The following ZWILCH variants were observed in gnomAD, a reference collection of about 807,000 sequenced individuals.
ZWILCH encodes zwilch kinetochore protein, also known as protein zwilch homolog.
Under a neutral mutation model 79.9 loss-of-function variants are expected in ZWILCH, and 74 were observed. The ratio of observed to expected loss-of-function variants is 0.93; its 90% CI spans 0.77 to 1.12. ZWILCH has a LOEUF of 1.12. Ranked by LOEUF, ZWILCH falls within the 50% of genes most tolerant of loss-of-function variation. ZWILCH has a pLI of 0.00. For missense variants in ZWILCH, 694 were observed against 687.5 expected (o/e 1.01, Z -0.11); for synonymous variants, 241 against 228.2 (o/e 1.06, Z -0.51).
Position 66,529,583 on chromosome 15 carries a change from G to A in ZWILCH, c.1155+10G>A. On this transcript the variant is annotated intron_variant, in intron 12 of 18. Transcript: ENST00000307897. ...TGATATACAGCCATGGGTAGGTTTA[G>A]TAGTGTGTGTCAGATCATTTTCTCA... 6.2e-7 allele frequency: 1 copy of A among 1,604,060 alleles called. No individual in the cohort carries two copies. The highest frequency in any genetic ancestry group is 8.5e-7 in the Non-Finnish European group (1 of 1,171,472).
chr15:66,533,493 T>C (rs1894915845), intron 14 of ZWILCH, among the ~76,000 whole-genome samples: 1 of 152,224 alleles, frequency 6.6e-6, no homozygotes, highest in Non-Finnish European at 1.5e-5. Flanking sequence ...ATAGTGTCTG[T>C]ACTGATCTTT....
intron 1 of ZWILCH, among the ~76,000 whole-genome samples, chr15:66,507,850 G>T (rs1318183322): frequency 1.3e-5 from 2 of 151,412 alleles, no homozygotes; most frequent in Admixed American, 1.3e-4. Context: ...GGAGAATGGC[G>T]TGAACCCGGG....
intron 1 of ZWILCH, 64 bp downstream of exon 1, chr15:66,505,455 A>T: frequency 6.3e-7 from 1 of 1,589,862 alleles, no homozygotes; most frequent in Non-Finnish European, 8.6e-7. Context: ...GGGTGTCTGG[A>T]TCCCCGCCCT....
Position 66,527,913 on chromosome 15 carries a change from G to A in ZWILCH, c.969+1G>A. The stretch of plus-strand genomic sequence containing the variant: ...TACAAAAAAAGACACTGAGGTTGAG[G>A]TAAGTGATTATTATCAGTTAGAAAT... On this transcript the variant is annotated splice_donor_variant, in intron 10 of 18. Coordinates refer to ENST00000307897, the MANE Select transcript of ZWILCH (RefSeq NM_017975.5). LOFTEE classifies it high-confidence loss of function. 2 of 1,597,336 alleles carry A rather than the reference G, an allele frequency of 1.3e-6. No individual in the cohort carries two copies. Among genetic ancestry groups the A allele is most frequent in the Admixed American group, 1.8e-5 (1 of 54,908 alleles).
At chr15:66,518,849 C>T (rs771877010) in intron 4 of ZWILCH, 30 bp from the exon 5 acceptor site, 3 of 1,586,584 alleles carry the variant, frequency 1.9e-6, no homozygotes, top group East Asian at 4.5e-5. Context: ...AAATCTCTAT[C>T]TATAATTTGT....
chr15:66,532,815 T>A (rs962207261), intron 13 of ZWILCH, among the ~76,000 whole-genome samples, 170 bp from the exon 14 acceptor site: 11 of 151,984 alleles, frequency 7.2e-5, no homozygotes, highest in Non-Finnish European at 1.2e-4. Flanking sequence ...TGTGAGGAAC[T>A]ACTTAGCTTG....
chr15:66,529,566 AG>A lies in ZWILCH; in HGVS notation c.1149del (p.Gln383HisfsTer12), dbSNP rs1247584284. The A allele has an allele frequency of 1.2e-6, 2 of 1,612,630 alleles. No individual in the cohort carries two copies. The highest frequency in any genetic ancestry group is 3.3e-5 in the Admixed American group (2 of 59,958). On this transcript the variant is annotated frameshift_variant, in exon 12 of 19. Transcript: ENST00000307897. LOFTEE classifies it high-confidence loss of function. ...IIQSLQRGDI[Q>X]PWLHSGSNSL... ...CAGAGTCTACAACGTGGTGATATAC[AG>A]CCATGGGTAGGTTTAGTAGTGTGTG...
chr15:66,517,430 G>GTGTATATATATATATA lies in ZWILCH; in HGVS notation c.321-1448_321-1447insGTATATATATATATAT. Among the ~76,000 whole-genome samples, 154 of 66,500 alleles carry GTGTATATATATATATA rather than the reference G, an allele frequency of 2.3e-3. 1 individual carries two copies. The highest frequency in any genetic ancestry group is 8.5e-3 in the African/African-American group (139 of 16,318). 43.6% of individuals were successfully genotyped at this position (66,500 alleles called of 152,430 possible). A position where few individuals can be genotyped will look rare whatever the true frequency, so the allele number is the denominator to read the frequency against. ...TGTTTGTGTGTGCGTGTGTGTGTGT[G>GTGTATATATATATATA]TATATATATATATATATATATATAT... On this transcript the variant is annotated intron_variant, in intron 4 of 18. Transcript: ENST00000307897.
intron 17 of ZWILCH, 56 bp downstream of exon 17, chr15:66,540,266 G>A (rs1895152596): frequency 1.4e-6 from 2 of 1,449,776 alleles, no homozygotes; most frequent in African/African-American, 1.4e-5. Flanking sequence ...AATAAACTAA[G>A]TCTGGCTGGG....
chr15:66,528,294 G>A (rs746729725), intron 10 of ZWILCH, among the ~76,000 whole-genome samples: 64 of 152,158 alleles, frequency 4.2e-4, no homozygotes, highest in Admixed American at 1.4e-3. Flanking sequence ...TGTAGAGATG[G>A]GTTCTCACTA....
At chr15:66,511,330 A>G (rs1198222876) in intron 2 of ZWILCH, among the ~76,000 whole-genome samples, 1 of 150,728 alleles carries the variant, frequency 6.6e-6, no homozygotes, top group Non-Finnish European at 1.5e-5. Context: ...TACAAAAAGC[A>G]AAAAAAAATT....
At chr15:66,535,266 G>T (rs552024511) in intron 14 of ZWILCH, among the ~76,000 whole-genome samples, 4 of 152,218 alleles carry the variant, frequency 2.6e-5, no homozygotes, top group African/African-American at 9.6e-5. Context: ...TCTTTTTGAG[G>T]AATAGTTTTG....
intron 17 of ZWILCH, among the ~76,000 whole-genome samples, chr15:66,544,686 G>GA (rs35489089): frequency 0.058 from 8,405 of 145,668 alleles, 337 homozygotes; most frequent in Middle Eastern, 0.11. Flanking sequence ...AAACATTTGT[G>GA]AAAAAAATGC....
At chr15:66,525,756 C>CTTTTTTTTTTTT (rs66835007) in intron 8 of ZWILCH, among the ~76,000 whole-genome samples, 1 of 93,480 alleles carries the variant, frequency 1.1e-5, no homozygotes, top group Non-Finnish European at 2.0e-5. Flanking sequence ...TCACATTTTT[C>CTTTTTTTTTTTT]TTTTTTTTTT....
rs191774709 is a variant in ZWILCH, at chr15:66,514,852, A to G, written c.202-674A>G. Among the ~76,000 whole-genome samples, 29 of 152,312 alleles carry G rather than the reference A, an allele frequency of 1.9e-4. 1 individual carries two copies. The East Asian group carries it at 5.6e-3, about 29-fold the overall frequency. On this transcript the variant is annotated intron_variant, in intron 3 of 18. Coordinates refer to ENST00000307897, the MANE Select transcript of ZWILCH (RefSeq NM_017975.5). ...GGGCCTAAGGTTATAGTCCAGAAAGAAGGTCTTCCTGTTTTGAGAGTGAAA... is the reference window on the plus strand; with the variant it reads ...GGGCCTAAGGTTATAGTCCAGAAAGGAGGTCTTCCTGTTTTGAGAGTGAAA...
intron 2 of ZWILCH, among the ~76,000 whole-genome samples, chr15:66,509,191 C>T (rs113822631): frequency 0.016 from 2,408 of 152,242 alleles, 37 homozygotes; most frequent in African/African-American, 0.046. Flanking sequence ...CCGCCCGCCT[C>T]GGCCTCCCAA....
intron 8 of ZWILCH, among the ~76,000 whole-genome samples, chr15:66,526,275 G>A (rs988405868): frequency 3.3e-5 from 5 of 152,070 alleles, no homozygotes; most frequent in African/African-American, 1.2e-4. Context: ...ATCCCTTGAT[G>A]GTTTAGCTAC....
chr15:66,520,710 C>G (rs1407831492), intron 6 of ZWILCH, 50 bp downstream of exon 6: 2 of 1,237,400 alleles, frequency 1.6e-6, no homozygotes, highest in Non-Finnish European at 1.1e-6. Context: ...TGTTGTCAAC[C>G]TGCCTTCCTA....
At chr15:66,513,081 C>T (rs901745750) in intron 2 of ZWILCH, among the ~76,000 whole-genome samples, 1 of 150,980 alleles carries the variant, frequency 6.6e-6, no homozygotes, top group African/African-American at 2.5e-5. Context: ...AGGCATGAGC[C>T]ACTGTGCCCA....
Sources: gnomAD v4.1 joint callset for allele counts (sites outside exome capture counted in the v4.1 genomes callset) on GRCh38, gnomAD v4.1.1 for gene constraint, MANE v1.5 for transcripts, NCBI Gene and HGNC (gene_info 2026-07-23, HGNC 2026-07-21) for gene names.